The following PRKAR1A variants were observed in gnomAD, a reference collection of about 807,000 sequenced individuals.
PRKAR1A encodes protein kinase cAMP-dependent type I regulatory subunit alpha, also known as cAMP-dependent protein kinase type I-alpha regulatory subunit.
PRKAR1A carries 3 observed loss-of-function variants against 52.0 expected under a neutral mutation model. That is an observed-to-expected ratio of 0.06 (90% confidence interval 0.03 to 0.15). The LOEUF (loss-of-function observed/expected upper bound fraction) is 0.15. Ranked by LOEUF, PRKAR1A falls within the 10% of genes least tolerant of loss-of-function variation. The pLI is 1.00. For missense variants in PRKAR1A, 240 were observed against 477.4 expected, an observed-to-expected ratio of 0.50 and a Z score of 4.63; for synonymous variants, 188 against 168.4, an observed-to-expected ratio of 1.12 and a Z score of -0.90.
At chr17:68,533,470 C>G (rs1600503308), downstream of PRKAR1A, 1 of 1,014,812 alleles carries the variant, frequency 9.9e-7, no homozygotes. Flanking sequence ...GTTGAATTCT[C>G]TCTAAACAGT....
chr17:68,417,892 A>C, the PRKAR1A span, among the ~76,000 whole-genome samples: 1 of 151,196 alleles, frequency 6.6e-6, no homozygotes, highest in Non-Finnish European at 1.5e-5. Context: ...CACCATGCCC[A>C]GATAATTTTT....
At chr17:68,540,072 A>G (rs534122618) in intron 11 of PRKAR1A, 56 of 566,828 alleles carry the variant, frequency 9.9e-5, no homozygotes, top group East Asian at 9.9e-4. Flanking sequence ...CTTGAGAGAC[A>G]GGGGTGTGAA....
the PRKAR1A span, among the ~76,000 whole-genome samples, chr17:68,463,304 A>G: frequency 6.6e-6 from 1 of 152,170 alleles, no homozygotes; most frequent in East Asian, 1.9e-4. Flanking sequence ...ATTTTTCCAA[A>G]ACCTCTTTAC....
chr17:68,486,408 CTTTCT>C, the PRKAR1A span, among the ~76,000 whole-genome samples: 12 of 136,718 alleles, frequency 8.8e-5, no homozygotes, highest in Admixed American at 7.1e-5. Flanking sequence ...TTCTTTCTTT[CTTTCT>C]TTCCTTCCTT....
At chr17:68,415,908 T>C in the PRKAR1A span, among the ~76,000 whole-genome samples, 1 of 152,232 alleles carries the variant, frequency 6.6e-6, no homozygotes, top group African/African-American at 2.4e-5. Flanking sequence ...ATGCGAGTCC[T>C]TATATGTTAG....
the PRKAR1A span, chr17:68,426,283 GGCT>G: frequency 1.2e-6 from 1 of 862,202 alleles, no homozygotes; most frequent in South Asian, 1.5e-5. Context: ...GAAGCAAAGG[GGCT>G]GTCTGTCTTC....
chr17:68,425,894 A>G, the PRKAR1A span: 2 of 592,996 alleles, frequency 3.4e-6, no homozygotes, highest in Admixed American at 6.0e-5. Flanking sequence ...CCTAAAGCCT[A>G]CTCTGTAGGA....
At chr17:68,451,724 C>CA in the PRKAR1A span, among the ~76,000 whole-genome samples, 2 of 152,200 alleles carry the variant, frequency 1.3e-5, no homozygotes. Flanking sequence ...GTACTCCCCC[C>CA]ACCCCCTATC....
At chr17:68,543,849 G>T in intron 11 of PRKAR1A, 1 of 803,776 alleles carries the variant, frequency 1.2e-6, no homozygotes, top group Non-Finnish European at 2.1e-6. Flanking sequence ...CACAGGCGAT[G>T]GCACGGCAAG....
chr17:68,515,357 TA>T (rs2085396836), intron 1 of PRKAR1A, 36 bp from the exon 2 acceptor site: 1 of 1,608,580 alleles, frequency 6.2e-7, no homozygotes, highest in African/African-American at 1.3e-5. Context: ...TTTTGCTTTA[TA>T]GTTTATACAA....
chr17:68,426,254 G>GGGGGGTC, the PRKAR1A span: 1 of 816,924 alleles, frequency 1.2e-6, no homozygotes, highest in Non-Finnish European at 1.9e-6. Context: ...GGGAGCGGGG[G>GGGGGGTC]CTCAAATAAA....
chr17:68,426,363 G>C, the PRKAR1A span, among the ~76,000 whole-genome samples: 1 of 152,142 alleles, frequency 6.6e-6, no homozygotes, highest in East Asian at 1.9e-4. Flanking sequence ...AGCCTGACCT[G>C]CCTTTCCACT....
At chr17:68,527,736 CT>C in intron 7 of PRKAR1A, 103 bp from the exon 8 acceptor site, 2 of 1,001,906 alleles carry the variant, frequency 2.0e-6, no homozygotes, top group Non-Finnish European at 3.0e-6. Flanking sequence ...CTTTGACTTT[CT>C]GGTTTTAAAA....
Position 68,530,290 on chromosome 17 carries a change from A to G in PRKAR1A, c.987A>G (p.Leu329=), listed in dbSNP as rs2143389596. ...TGCTTTCTCCAGGTGAAATTGCACT[A>G]CTGATGAATCGTCCTCGTGCTGCCA... ...GPSDYFGEIA[L]LMNRPRAATV... Residue 329 remains leucine (L), a synonymous_variant, in exon 11 of 11, where the codon CTA becomes CTG. Transcript: ENST00000589228. The G allele has an allele frequency of 1.2e-6, 2 of 1,614,142 alleles. No individual in the cohort carries two copies. The highest frequency in any genetic ancestry group is 2.2e-5 in the East Asian group (1 of 44,890).
At chr17:68,484,969 G>T in the PRKAR1A span, among the ~76,000 whole-genome samples, 5 of 152,206 alleles carry the variant, frequency 3.3e-5, no homozygotes, top group Non-Finnish European at 7.4e-5. Context: ...CAATGGCAAA[G>T]AATTAACAAA....
chr17:68,454,725 T>C, the PRKAR1A span, among the ~76,000 whole-genome samples: 3 of 152,330 alleles, frequency 2.0e-5, no homozygotes, highest in Admixed American at 2.0e-4. Context: ...TAAATATAGA[T>C]GTGTTTGGCT....
the PRKAR1A span, among the ~76,000 whole-genome samples, chr17:68,503,131 T>C: frequency 6.6e-6 from 1 of 152,174 alleles, no homozygotes; most frequent in Non-Finnish European, 1.5e-5. Context: ...TACCAGCATA[T>C]GCCATTAGGG....
At chr17:68,501,032 A>G in the PRKAR1A span, among the ~76,000 whole-genome samples, 5 of 152,126 alleles carry the variant, frequency 3.3e-5, no homozygotes, top group Admixed American at 6.6e-5. Context: ...CTGTTTATTT[A>G]TTCTCTCATC....
Position 68,522,944 on chromosome 17 carries a change from A to G in PRKAR1A, c.348+18A>G, listed in dbSNP as rs747086844. ...TTAGAAAGGTAGTTTTGATATTTGAATATCGGGGGGATGCTTTTGGGACCC... is the reference window on the plus strand; with the variant it reads ...TTAGAAAGGTAGTTTTGATATTTGAGTATCGGGGGGATGCTTTTGGGACCC... On this transcript the variant is annotated intron_variant, in intron 3 of 10. Coordinates refer to ENST00000589228, the MANE Select transcript of PRKAR1A (RefSeq NM_002734.5). 2.0e-5 allele frequency: 33 copies of G among 1,612,430 alleles called. No homozygotes were observed. The highest frequency in any genetic ancestry group is 4.0e-5 in the African/African-American group (3 of 74,894).
Sources: gnomAD v4.1 joint callset for allele counts (sites outside exome capture counted in the v4.1 genomes callset) on GRCh38, gnomAD v4.1.1 for gene constraint, MANE v1.5 for transcripts, NCBI Gene and HGNC (gene_info 2026-07-23, HGNC 2026-07-21) for gene names.